Variants in BACE2 observed in about 807,000 individuals in gnomAD.
BACE2 encodes the protein beta-secretase 2.
A neutral mutation model predicts 46.2 loss-of-function variants in BACE2; 17 were observed. That is an observed-to-expected ratio of 0.37 (90% CI 0.25 to 0.55). The LOEUF is 0.55. BACE2 is among the 20% of genes least tolerant of loss of function. The probability of loss-of-function intolerance (pLI) is 0.82; values close to 1 mark genes in which losing one functional copy is unlikely to be tolerated. For missense variants in BACE2, 595 were observed against 698.1 expected, an observed-to-expected ratio of 0.85 and a Z score of 1.66; for synonymous variants, 277 against 295.9, an observed-to-expected ratio of 0.94 and a Z score of 0.66.
At chr21:41,190,516 C>T (rs1158161602) in intron 1 of BACE2, among the ~76,000 whole-genome samples, 4 of 152,212 alleles carry the variant, frequency 2.6e-5, no homozygotes, top group East Asian at 3.8e-4. Flanking sequence ...TTACAGTCCT[C>T]GTTTCTGCAG....
chr21:41,281,109 T>C lies in BACE2; in HGVS notation c.*5485T>C, dbSNP rs1330488944. On this transcript the variant is annotated 3_prime_UTR_variant, in exon 9 of 9. Coordinates refer to ENST00000330333, the MANE Select transcript of BACE2 (RefSeq NM_012105.5). ...GAACGCTGTGATGGTAAAATATCTG[T>C]CTCTCCTCTGGGAATCAGGGCAGCC... 1 of 152,224 alleles carries C rather than the reference T, an allele frequency of 6.6e-6. No homozygotes were observed. The highest frequency in any genetic ancestry group is 1.9e-4 in the East Asian group (1 of 5,192). The allele number at this position is 152,224 out of a possible 1,614,324, so 9.4% of individuals were successfully genotyped here. A position where few individuals can be genotyped will look rare whatever the true frequency, so the allele number is the denominator to read the frequency against.
At chr21:41,218,943 A>C (rs1250624771) in intron 1 of BACE2, among the ~76,000 whole-genome samples, 1 of 150,992 alleles carries the variant, frequency 6.6e-6, no homozygotes, top group Non-Finnish European at 1.5e-5. Flanking sequence ...GCTCACTGCA[A>C]CCTCCGCCTC....
intron 7 of BACE2, 45 bp downstream of exon 7, chr21:41,250,946 A>G: frequency 2.5e-6 from 4 of 1,583,880 alleles, no homozygotes; most frequent in Non-Finnish European, 3.5e-6. Flanking sequence ...CATGCAAAAG[A>G]GAAAGCACTC....
intron 8 of BACE2, among the ~76,000 whole-genome samples, chr21:41,274,808 C>A (rs998710430): frequency 4.6e-5 from 7 of 152,158 alleles, no homozygotes; most frequent in South Asian, 2.1e-4. Flanking sequence ...GCCAGCCTGA[C>A]CCCCGGAGGT....
At chr21:41,210,889 A>G (rs1284450252) in intron 1 of BACE2, among the ~76,000 whole-genome samples, 1 of 152,172 alleles carries the variant, frequency 6.6e-6, no homozygotes, top group African/African-American at 2.4e-5. Flanking sequence ...CCTCCTGTAA[A>G]CTGCTGAATA....
At chr21:41,256,627 T>A (rs1415504228) in intron 7 of BACE2, among the ~76,000 whole-genome samples, 1 of 152,152 alleles carries the variant, frequency 6.6e-6, no homozygotes, top group Non-Finnish European at 1.5e-5. Context: ...AACCAGAAAA[T>A]TTTTAATTTA....
intron 2 of BACE2, among the ~76,000 whole-genome samples, chr21:41,229,087 C>T (rs1986902836): frequency 6.6e-6 from 1 of 152,186 alleles, no homozygotes; most frequent in Non-Finnish European, 1.5e-5. Flanking sequence ...CAAACACACC[C>T]CCAAAGTTTC....
chr21:41,178,918 A>C, intron 1 of BACE2: 1 of 346,322 alleles, frequency 2.9e-6, no homozygotes, highest in Non-Finnish European at 5.3e-6. Flanking sequence ...GGGAAGGGGT[A>C]TTGGTGAAAG....
chr21:41,223,238 C>T (rs1194248218), intron 1 of BACE2, among the ~76,000 whole-genome samples: 1 of 152,000 alleles, frequency 6.6e-6, no homozygotes, highest in African/African-American at 2.4e-5. Flanking sequence ...CGCCTGTGGT[C>T]CCAGCTACTT....
At chr21:41,190,226 C>G (rs1985518425) in intron 1 of BACE2, among the ~76,000 whole-genome samples, 1 of 152,160 alleles carries the variant, frequency 6.6e-6, no homozygotes, top group Non-Finnish European at 1.5e-5. Context: ...TGAACCCATA[C>G]ACATCTGAGA....
intron 1 of BACE2, among the ~76,000 whole-genome samples, chr21:41,188,941 C>T (rs1056576884): frequency 6.6e-6 from 1 of 152,222 alleles, no homozygotes; most frequent in Non-Finnish European, 1.5e-5. Context: ...CCTGTAATTG[C>T]ATCAGAGGCC....
chr21:41,252,430 A>G (rs891410009), intron 7 of BACE2: 19 of 152,308 alleles, frequency 1.2e-4, no homozygotes, highest in African/African-American at 4.6e-4. Context: ...TGTTGAAACC[A>G]TGCCGAGCAG....
chr21:41,257,734 T>G (rs536032607), intron 8 of BACE2, among the ~76,000 whole-genome samples: 1 of 152,188 alleles, frequency 6.6e-6, no homozygotes, highest in Non-Finnish European at 1.5e-5. Context: ...ACACCTATCG[T>G]TGCGATTTCT....
At chr21:41,226,020 C>G (rs1369527827) in intron 1 of BACE2, among the ~76,000 whole-genome samples, 1 of 152,216 alleles carries the variant, frequency 6.6e-6, no homozygotes, top group Non-Finnish European at 1.5e-5. Context: ...AATCCATTCT[C>G]TTTTAAGGCT....
chr21:41,203,034 A>T (rs1053328647), intron 1 of BACE2, among the ~76,000 whole-genome samples: 9 of 152,178 alleles, frequency 5.9e-5, no homozygotes, highest in African/African-American at 2.2e-4. Context: ...TCGATATTTC[A>T]TGGACACGTG....
chr21:41,178,024 TAGAG>T (rs148088689), intron 1 of BACE2: 1,578 of 152,202 alleles, frequency 0.01, 19 homozygotes, highest in Non-Finnish European at 0.013. Flanking sequence ...TCTCACAACT[TAGAG>T]GGTGCTACTG....
At chr21:41,268,344 C>T (rs1344050016) in intron 8 of BACE2, among the ~76,000 whole-genome samples, 1 of 152,176 alleles carries the variant, frequency 6.6e-6, no homozygotes, top group South Asian at 2.1e-4. Context: ...ACAATGGCCT[C>T]TCATAAATCA....
chr21:41,206,450 T>C (rs1279172804), intron 1 of BACE2, among the ~76,000 whole-genome samples: 6 of 152,242 alleles, frequency 3.9e-5, no homozygotes, highest in Non-Finnish European at 8.8e-5. Flanking sequence ...TGGAATATTA[T>C]TCAGCCTTAA....
intron 8 of BACE2, among the ~76,000 whole-genome samples, chr21:41,270,987 T>C (rs1037647018): frequency 1.3e-5 from 2 of 152,220 alleles, no homozygotes; most frequent in African/African-American, 2.4e-5. Context: ...AACACTGTTA[T>C]TAGGTAAAAA....
Sources: allele counts gnomAD v4.1 joint callset (sites outside exome capture counted in the v4.1 genomes callset), GRCh38; gene constraint gnomAD v4.1.1; transcripts MANE v1.5; gene names NCBI Gene and HGNC (gene_info 2026-07-23, HGNC 2026-07-21).